Variants in ZNF454 observed in about 807,000 individuals in gnomAD.
ZNF454 encodes zinc finger protein 454.
A neutral mutation model predicts 48.2 loss-of-function variants in ZNF454; 30 were observed. The observed-to-expected ratio is 0.62, with a 90% CI of 0.47 to 0.84. The LOEUF is 0.84. Ranked by LOEUF, ZNF454 falls within the 40% of genes least tolerant of loss-of-function variation. The pLI is 0.00. For missense variants in ZNF454, 510 were observed against 623.1 expected (o/e 0.82, Z 1.93); for synonymous variants, 204 against 211.4 (o/e 0.97, Z 0.30).
At chr5:178,974,607 C>T in the ZNF454 span, among the ~76,000 whole-genome samples, 4 of 152,094 alleles carry the variant, frequency 2.6e-5, no homozygotes, top group Admixed American at 1.3e-4. Context: ...CGTGAGCCAC[C>T]GCGCCCGGCC....
At position 178,965,682 on chromosome 5, in the gene ZNF454, A is replaced by T; in HGVS notation, c.1278A>T (p.Ala426=). 6.2e-7 allele frequency: 1 copy of T among 1,614,186 alleles called. No homozygotes were observed. The highest frequency in any genetic ancestry group is 1.1e-5 in the South Asian group (1 of 91,086). Residue 426 remains alanine (A), a synonymous_variant, in exon 5 of 5, where the codon GCA becomes GCT. Transcript: ENST00000519564. This position sits in a 1 kb window ranked among gnomAD's most constrained non-coding sequence, Gnocchi z 5.2. Reference sequence around the variant, plus strand: ...AGAAAGCCTTTCGGGACCAATCAGCACTAGCCCAACATCAGAGAATTCATA... The same window carrying T: ...AGAAAGCCTTTCGGGACCAATCAGCTCTAGCCCAACATCAGAGAATTCATA... ...LCEKAFRDQS[A]LAQHQRIHTG...
In ZNF454 at chr5:178,941,702, G is replaced by A. The variant is rs1352141059; in HGVS notation, c.-108+258G>A. Among the ~76,000 whole-genome samples the A allele has an allele frequency of 6.6e-6, 1 of 152,086 alleles. No individual in the cohort carries two copies. The highest frequency in any genetic ancestry group is 1.5e-5 in the Non-Finnish European group (1 of 68,026). ...CCCTGCCACAGCCCCCGAGGGACCT[G>A]GCGAAGCGGCAGGGGCGGGACGGGG... On this transcript the variant is annotated intron_variant, in intron 1 of 4. Transcript: ENST00000519564. This position sits in a 1 kb window ranked among gnomAD's most constrained non-coding sequence, Gnocchi z 5.5.
Position 178,946,272 on chromosome 5 carries a change from C to G in ZNF454, c.34-87C>G. ...GTGCCAGCAGTCCTGTAAATGCGCA[C>G]AAGCTCCTAGGGGCTGCCAGTCTCT... is the stretch of plus-strand genomic sequence containing the variant. On this transcript the variant is annotated intron_variant, in intron 2 of 4. Transcript: ENST00000519564. This position sits in a 1 kb window ranked among gnomAD's most constrained non-coding sequence, Gnocchi z 4.5. The G allele has an allele frequency of 6.4e-7, 1 of 1,560,670 alleles. No individual in the cohort carries two copies. The highest frequency in any genetic ancestry group is 8.6e-7 in the Non-Finnish European group (1 of 1,157,058).
At chr5:178,975,747 A>T in the ZNF454 span, 1 of 402,700 alleles carries the variant, frequency 2.5e-6, no homozygotes. Context: ...TATGGTACTC[A>T]GTTACTTAAT....
chr5:178,988,600 C>T, the ZNF454 span, among the ~76,000 whole-genome samples: 5 of 152,180 alleles, frequency 3.3e-5, no homozygotes, highest in Non-Finnish European at 7.4e-5. This position sits in a 1 kb window ranked among gnomAD's most constrained non-coding sequence, Gnocchi z 6.0. Context: ...CTGTGCCCCA[C>T]GTGCACCCCC....
chr5:178,965,757 C>T lies in ZNF454; in HGVS notation c.1353C>T (p.Asp451=), dbSNP rs1010913537. ...ACATATGTGAAAAAGCCTTCAGTGA[C>T]CATTCAGCCCTTACCCAACATAAGA... ...TCNICEKAFS[D]HSALTQHKRI... Residue 451 remains aspartate, a synonymous_variant, in exon 5 of 5, where the codon GAC becomes GAT. Coordinates refer to ENST00000519564, the MANE Select transcript of ZNF454 (RefSeq NM_001178089.3). The surrounding 1 kb of genome is among the most constrained non-coding windows in gnomAD (Gnocchi z 5.2). 1.2e-6 allele frequency: 2 copies of T among 1,614,090 alleles called. No individual in the cohort carries two copies. Among genetic ancestry groups the T allele is most frequent in the African/African-American group, 2.7e-5 (2 of 75,042 alleles).
downstream of ZNF454, among the ~76,000 whole-genome samples, chr5:178,971,173 A>G (rs1157805416): frequency 6.6e-6 from 1 of 152,220 alleles, no homozygotes; most frequent in Non-Finnish European, 1.5e-5. Flanking sequence ...TCGGGATAAC[A>G]AATGTACTCA....
Position 178,941,474 on chromosome 5 carries a change from A to T in ZNF454, c.-108+30A>T, listed in dbSNP as rs750963540. 2.8e-5 allele frequency: 13 copies of T among 456,588 alleles called. No individual in the cohort carries two copies. Among genetic ancestry groups the T allele is most frequent in the Admixed American group, 1.6e-4 (7 of 42,568 alleles). 28.3% of individuals were successfully genotyped at this position (456,588 alleles called of 1,614,324 possible). ...GTCTGAGATTTGATCCCAGAGAGGG[A>T]GGACGGCCAGGGGTGGTCATCCTGG... On this transcript the variant is annotated intron_variant, in intron 1 of 4. Coordinates refer to ENST00000519564, the MANE Select transcript of ZNF454 (RefSeq NM_001178089.3). The surrounding 1 kb of genome is among the most constrained non-coding windows in gnomAD (Gnocchi z 5.5).
At chr5:178,985,545 T>C in the ZNF454 span, 2 of 336,188 alleles carry the variant, frequency 5.9e-6, no homozygotes, top group South Asian at 2.3e-5. Context: ...CTACTAAAAA[T>C]ACAAAAAATT....
At chr5:178,974,585 C>T in the ZNF454 span, among the ~76,000 whole-genome samples, 3 of 152,024 alleles carry the variant, frequency 2.0e-5, no homozygotes, top group Non-Finnish European at 1.5e-5. Context: ...CTGAAAGTAC[C>T]GGGATTAGAG....
chr5:178,964,137 T>A (rs76653481), intron 4 of ZNF454, among the ~76,000 whole-genome samples: 1 of 151,480 alleles, frequency 6.6e-6, no homozygotes, highest in Non-Finnish European at 1.5e-5. Flanking sequence ...TTTTTTTTTT[T>A]TGAGACGGAG....
chr5:178,983,238 T>C, the ZNF454 span: 1 of 1,602,440 alleles, frequency 6.2e-7, no homozygotes, highest in Non-Finnish European at 8.5e-7. Context: ...GAGCCAACAC[T>C]GCATCAGACA....
intron 4 of ZNF454, chr5:178,948,199 G>A (rs571930925): frequency 9.9e-5 from 15 of 151,670 alleles, no homozygotes; most frequent in Middle Eastern, 3.4e-3. Context: ...ACAGGCGTGA[G>A]CCACCTCATG....
downstream of ZNF454, chr5:178,969,572 C>G (rs2113291169): frequency 2.2e-6 from 1 of 456,962 alleles, no homozygotes; most frequent in East Asian, 6.9e-5. Flanking sequence ...TTCAGCAGCT[C>G]TGTCTTCACA....
At chr5:178,988,934 C>A in the ZNF454 span, 3 of 1,611,256 alleles carry the variant, frequency 1.9e-6, no homozygotes, top group Non-Finnish European at 2.5e-6. This position sits in a 1 kb window ranked among gnomAD's most constrained non-coding sequence, Gnocchi z 6.0. Context: ...CACCCACTCA[C>A]CATTGAAGCG....
At chr5:178,969,684 A>T (rs562338937), downstream of ZNF454, 12 of 456,360 alleles carry the variant, frequency 2.6e-5, no homozygotes, top group East Asian at 5.6e-4. Flanking sequence ...CACCTGGGCC[A>T]TAGAAAAAGG....
At chr5:178,955,368 G>T (rs1759706519) in intron 4 of ZNF454, among the ~76,000 whole-genome samples, 1 of 152,174 alleles carries the variant, frequency 6.6e-6, no homozygotes, top group Non-Finnish European at 1.5e-5. Flanking sequence ...GGTTGAGGAA[G>T]TTTATGCCCA....
chr5:178,977,324 C>T, the ZNF454 span: 25 of 436,904 alleles, frequency 5.7e-5, no homozygotes, highest in Admixed American at 5.8e-4. Context: ...TAAAAGAGAC[C>T]CCAGGGTGCC....
At chr5:178,985,848 A>T in the ZNF454 span, 2 of 545,250 alleles carry the variant, frequency 3.7e-6, no homozygotes, top group South Asian at 1.8e-5. Flanking sequence ...AGCAACCTTC[A>T]ACTCTTGGGC....
Sources: gnomAD v4.1 joint callset for allele counts (sites outside exome capture counted in the v4.1 genomes callset) on GRCh38, gnomAD v4.1.1 for gene constraint, Gnocchi (gnomAD v3.1) non-coding constraint, MANE v1.5 for transcripts, NCBI Gene and HGNC (gene_info 2026-07-23, HGNC 2026-07-21) for gene names.